BRIP1: variants seen among roughly 807,000 people sequenced by gnomAD.
BRIP1 encodes the protein BRCA1 interacting DNA helicase 1.
Under a neutral mutation model 119.7 loss-of-function variants are expected in BRIP1, and 88 were observed. That is an observed-to-expected ratio of 0.74 (90% CI 0.62 to 0.88). The LOEUF (loss-of-function observed/expected upper bound fraction) is 0.88, where lower values mean the gene tolerates loss of function less well. BRIP1 is among the 40% of genes least tolerant of loss of function. The probability of loss-of-function intolerance (pLI) is 0.00; values close to 1 mark genes in which losing one functional copy is unlikely to be tolerated. For synonymous variants in BRIP1, 443 were observed against 496.5 expected, an observed-to-expected ratio of 0.89 and a Z score of 1.43; for missense variants, 1,259 against 1,455.4, an observed-to-expected ratio of 0.87 and a Z score of 2.20.
Position 61,803,309 on chromosome 17 carries a change from C to G in BRIP1, c.919-1835G>C, listed in dbSNP as rs2078023717. On this transcript the variant is annotated intron_variant, in intron 7 of 19. Coordinates refer to ENST00000259008, the MANE Select transcript of BRIP1 (RefSeq NM_032043.3). This position sits in a 1 kb window ranked among gnomAD's most constrained non-coding sequence, Gnocchi z 4.3. The stretch of plus-strand genomic sequence containing the variant: ...ATGTTGCTCAGGCTGGTCTTGAACT[C>G]CTGAACTCAAGCGATCCGCCTGCCT... Among the ~76,000 whole-genome samples the G allele has an allele frequency of 6.6e-6, 1 of 152,110 alleles. No homozygotes were observed. The highest frequency in any genetic ancestry group is 1.5e-5 in the Non-Finnish European group (1 of 68,014).
chr17:61,793,751 G>T lies in BRIP1; in HGVS notation c.1341-22C>A. The T allele has an allele frequency of 6.2e-7, 1 of 1,602,874 alleles. No individual in the cohort carries two copies. Among genetic ancestry groups the T allele is most frequent in the Non-Finnish European group, 8.5e-7 (1 of 1,176,474 alleles). On this transcript the variant is annotated intron_variant, in intron 9 of 19. Transcript: ENST00000259008. This position sits in a 1 kb window ranked among gnomAD's most constrained non-coding sequence, Gnocchi z 5.2. ...CCAACTGAAATAAAATAAAACAATT[G>T]TGTCAACCAGTATCATCCTTACACA...
chr17:61,714,948 C>A (rs1300936134), intron 17 of BRIP1, among the ~76,000 whole-genome samples: 2 of 151,660 alleles, frequency 1.3e-5, no homozygotes, highest in African/African-American at 2.4e-5. Context: ...ATCTGTAATC[C>A]CAGCACTTTG....
Position 61,857,851 on chromosome 17 carries a change from T to C in BRIP1, c.206-620A>G, listed in dbSNP as rs1374089268. ...TCAAGTATTCATTTATATTAAGATT[T>C]ATCTAAAATTCAAGAATGGATTGAA... On this transcript the variant is annotated intron_variant, in intron 3 of 19. Coordinates refer to ENST00000259008, the MANE Select transcript of BRIP1 (RefSeq NM_032043.3). The surrounding 1 kb of genome is among the most constrained non-coding windows in gnomAD (Gnocchi z 5.1). Among the ~76,000 whole-genome samples, 2 of 152,230 alleles carry C rather than the reference T, an allele frequency of 1.3e-5. No homozygotes were observed. Among genetic ancestry groups the C allele is most frequent in the Non-Finnish European group, 2.9e-5 (2 of 68,052 alleles).
Position 61,706,378 on chromosome 17 carries a change from A to C in BRIP1, c.2492+9573T>G, listed in dbSNP as rs1413734594. Among the ~76,000 whole-genome samples, 2 of 152,146 alleles carry C rather than the reference A, an allele frequency of 1.3e-5. No individual in the cohort carries two copies. The highest frequency in any genetic ancestry group is 2.9e-5 in the Non-Finnish European group (2 of 68,004). On this transcript the variant is annotated intron_variant, in intron 17 of 19. Transcript: ENST00000259008. This position sits in a 1 kb window ranked among gnomAD's most constrained non-coding sequence, Gnocchi z 5.7. Reference sequence around the variant, plus strand: ...TTACTTCATCTTTTCTAGGACTGAAACGCCCAAACTATTTTTTAAAGTTAA... The same window carrying C: ...TTACTTCATCTTTTCTAGGACTGAACCGCCCAAACTATTTTTTAAAGTTAA...
rs1030920427 is a variant in BRIP1 at position 61,744,824 on chromosome 17, C to T, written c.2098-233G>A. Among the ~76,000 whole-genome samples, 6 of 150,952 alleles carry T rather than the reference C, an allele frequency of 4.0e-5. No homozygotes were observed. The highest frequency in any genetic ancestry group is 1.2e-4 in the African/African-American group (5 of 41,288). ...CAGTTAGCTGCTGCTGCTGCTACTA[C>T]TACTATTATCTTGGCAATTTCTACC... On this transcript the variant is annotated intron_variant, in intron 14 of 19. Transcript: ENST00000259008. The surrounding 1 kb of genome is among the most constrained non-coding windows in gnomAD (Gnocchi z 5.0).
At chr17:61,811,884 G>A (rs1200201184) in intron 6 of BRIP1, among the ~76,000 whole-genome samples, 4 of 152,056 alleles carry the variant, frequency 2.6e-5, no homozygotes, top group African/African-American at 2.4e-5. Context: ...CCAGGGAGAC[G>A]GAGGTTACAG....
chr17:61,740,266 C>G lies in BRIP1; in HGVS notation c.2379+2747G>C, dbSNP rs1418803754. On this transcript the variant is annotated intron_variant, in intron 16 of 19. Coordinates refer to ENST00000259008, the MANE Select transcript of BRIP1 (RefSeq NM_032043.3). The surrounding 1 kb of genome is among the most constrained non-coding windows in gnomAD (Gnocchi z 5.4). ...GAAGCGAGCCAGATGGACAAAAGAC[C>G]CCAGGATTCCCCGGAGGAACCCATG... 1.3e-5 allele frequency among the ~76,000 whole-genome samples: 2 copies of G among 152,134 alleles called. No homozygotes were observed. The highest frequency in any genetic ancestry group is 2.1e-4 in the South Asian group (1 of 4,812).
At position 61,798,150 on chromosome 17, in the gene BRIP1, C is replaced by A. The variant is rs2145288596; in HGVS notation, c.1340+950G>T. Among the ~76,000 whole-genome samples, 1 of 152,020 alleles carries A rather than the reference C, an allele frequency of 6.6e-6. No homozygotes were observed. Among genetic ancestry groups the A allele is most frequent in the Non-Finnish European group, 1.5e-5 (1 of 67,882 alleles). ...ACTAGAAACAACCTCCTCTATTAATCAGAGGCTGGTTAAATAAACTATTGC... is the reference window on the plus strand; with the variant it reads ...ACTAGAAACAACCTCCTCTATTAATAAGAGGCTGGTTAAATAAACTATTGC... On this transcript the variant is annotated intron_variant, in intron 9 of 19. Transcript: ENST00000259008. This position sits in a 1 kb window ranked among gnomAD's most constrained non-coding sequence, Gnocchi z 5.5.
rs995133368 is a variant in BRIP1, at chr17:61,708,414, G to GA, written c.2492+7536dup. The stretch of plus-strand genomic sequence containing the variant: ...TAGTAGCCATCTTGGTTATCAGATA[G>GA]AAAAAACATAGTATACGTAGAGTTT... On this transcript the variant is annotated intron_variant, in intron 17 of 19. Coordinates refer to ENST00000259008, the MANE Select transcript of BRIP1 (RefSeq NM_032043.3). This position sits in a 1 kb window ranked among gnomAD's most constrained non-coding sequence, Gnocchi z 4.4. Among the ~76,000 whole-genome samples the GA allele has an allele frequency of 2.7e-4, 41 of 152,124 alleles. No homozygotes were observed. Among genetic ancestry groups the GA allele is most frequent in the African/African-American group, 9.7e-4 (40 of 41,432 alleles).
chr17:61,683,928 T>G lies in BRIP1; in HGVS notation c.3118A>C (p.Lys1040Gln), dbSNP rs876659428. 1 of 1,614,220 alleles carries G rather than the reference T, an allele frequency of 6.2e-7. No individual in the cohort carries two copies. The highest frequency in any genetic ancestry group is 1.3e-5 in the African/African-American group (1 of 75,062). The change falls in exon 20 of 20, where the codon AAG (lysine) becomes CAG (glutamine). Residue 1040 changes from lysine (K) to glutamine (Q), a missense_variant. This residue lies in a region of BRIP1 where 753 missense variants were observed against 891.8 expected (regional missense o/e 0.84). Transcript: ENST00000259008. The surrounding 1 kb of genome is among the most constrained non-coding windows in gnomAD (Gnocchi z 4.7). The stretch of plus-strand genomic sequence containing the variant: ...GGCAAAACAGTTTTACTTTCCATCT[T>G]CTCTGTTTTGAAACGGGGAGGACTA... ...ASSPPRFKTE[K>Q]MESKTVLPFT...
At position 61,709,396 on chromosome 17, in the gene BRIP1, CA is replaced by C. The variant is rs1233309407; in HGVS notation, c.2492+6554del. ...GTAACATAAATGTTCAATTTTTCTA[CA>C]AAGACAAAAAAAATCTAAATTTTAT... On this transcript the variant is annotated intron_variant, in intron 17 of 19. Coordinates refer to ENST00000259008, the MANE Select transcript of BRIP1 (RefSeq NM_032043.3). The surrounding 1 kb of genome is among the most constrained non-coding windows in gnomAD (Gnocchi z 5.0). 6.6e-6 allele frequency among the ~76,000 whole-genome samples: 1 copy of C among 151,762 alleles called. No homozygotes were observed. The highest frequency in any genetic ancestry group is 1.5e-5 in the Non-Finnish European group (1 of 67,952).
rs2061502928 is a variant in BRIP1 at position 61,695,150 on chromosome 17, C to A, written c.2493-1638G>T. Among the ~76,000 whole-genome samples the A allele has an allele frequency of 6.6e-6, 1 of 151,916 alleles. No homozygotes were observed. Among genetic ancestry groups the A allele is most frequent in the Non-Finnish European group, 1.5e-5 (1 of 67,938 alleles). On this transcript the variant is annotated intron_variant, in intron 17 of 19. Transcript: ENST00000259008. The surrounding 1 kb of genome is among the most constrained non-coding windows in gnomAD (Gnocchi z 4.3). ...TTTTTGCCTTTTTCTGTCTTTGATC[C>A]ACTTTGAGTTAACTTTTGTATATGG...
At chr17:61,847,712 A>G (rs920425358) in intron 5 of BRIP1, among the ~76,000 whole-genome samples, 2 of 152,228 alleles carry the variant, frequency 1.3e-5, no homozygotes, top group African/African-American at 4.8e-5. Context: ...TATTTGATAA[A>G]CCAAGTTGCC....
Position 61,808,732 on chromosome 17 carries a change from C to A in BRIP1, c.653G>T (p.Cys218Phe). 10 of 1,613,480 alleles carry A rather than the reference C, an allele frequency of 6.2e-6. No homozygotes were observed. Among genetic ancestry groups the A allele is most frequent in the Non-Finnish European group, 8.5e-6 (10 of 1,179,948 alleles). Residue 218 changes from cysteine to phenylalanine, a missense_variant, in exon 7 of 20, where the codon TGT (cysteine) becomes TTT (phenylalanine). By Grantham distance (205) the Cys-to-Phe change is radical. Coordinates refer to ENST00000259008, the MANE Select transcript of BRIP1 (RefSeq NM_032043.3). This position sits in a 1 kb window ranked among gnomAD's most constrained non-coding sequence, Gnocchi z 4.1. Reference sequence around the variant, plus strand: ...ACTGTTTCCTTGTTTAGTAGAACAACAGCACCTAGAACAGTGGCCAGGGGG... The same window carrying A: ...ACTGTTTCCTTGTTTAGTAGAACAAAAGCACCTAGAACAGTGGCCAGGGGG... ...QKPPGHCSRC[C>F]CSTKQGNSQE...
In BRIP1 at chr17:61,847,501, T is replaced by C. The variant is rs9908659; in HGVS notation, c.508-281A>G. 0.39 allele frequency among the ~76,000 whole-genome samples: 60,015 copies of C among 151,992 alleles called. 12,426 individuals are homozygous for C. The highest frequency in any genetic ancestry group is 0.49 in the African/African-American group (20,419 of 41,444). On this transcript the variant is annotated intron_variant, in intron 5 of 19. Transcript: ENST00000259008. The stretch of plus-strand genomic sequence containing the variant: ...ATTGTAAAATGAACTTCTCATAAAA[T>C]AGTCCCATCATATGGACATCAAATA...
intron 16 of BRIP1, among the ~76,000 whole-genome samples, chr17:61,731,644 T>A (rs181197069): frequency 1.4e-4 from 21 of 152,350 alleles, no homozygotes; most frequent in African/African-American, 4.6e-4. Flanking sequence ...CTGTACACAT[T>A]CATAACTCCT....
In BRIP1 at chr17:61,808,635, T is replaced by C. The variant is rs1057522393; in HGVS notation, c.750A>G (p.Thr250=). ...TCTGAGCAATCTGCTTGTGTGTGCG[T>C]GTCCCAAAATATATTTTGGGTATCT... ...KSKIPKIYFG[T]RTHKQIAQIT... Residue 250 remains threonine, a synonymous_variant, in exon 7 of 20, where the codon ACA becomes ACG. Transcript: ENST00000259008. The surrounding 1 kb of genome is among the most constrained non-coding windows in gnomAD (Gnocchi z 4.1). The C allele has an allele frequency of 4.3e-6, 7 of 1,613,920 alleles. No homozygotes were observed. Among genetic ancestry groups the C allele is most frequent in the Non-Finnish European group, 5.9e-6 (7 of 1,179,934 alleles).
rs140097800 is a variant in BRIP1, at chr17:61,808,756, G to T, written c.629C>A (p.Pro210His). ...ACAGCACCTAGAACAGTGGCCAGGGGGCTGTAAGAAAGGAAAGAAACGATA... is the reference window on the plus strand; with the variant it reads ...ACAGCACCTAGAACAGTGGCCAGGGTGCTGTAAGAAAGGAAAGAAACGATA... ...EKINSFSPQKPPGHCSRCCCS... is the reference protein window; with the variant it reads ...EKINSFSPQKHPGHCSRCCCS... The change falls in exon 7 of 20, where the codon CCC becomes CAC. Residue 210 changes from proline to histidine, a missense_variant and splice_region_variant. By Grantham distance (77) the Pro-to-His change is moderately conservative (BLOSUM62 -2). Transcript: ENST00000259008. This position sits in a 1 kb window ranked among gnomAD's most constrained non-coding sequence, Gnocchi z 4.1. 18 of 1,611,956 alleles carry T rather than the reference G, an allele frequency of 1.1e-5. No homozygotes were observed. Among genetic ancestry groups the T allele is most frequent in the Non-Finnish European group, 1.2e-5 (14 of 1,179,780 alleles).
At position 61,703,168 on chromosome 17, in the gene BRIP1, G is replaced by A. The variant is rs771366004; in HGVS notation, c.2493-9656C>T. Among the ~76,000 whole-genome samples, 4 of 152,014 alleles carry A rather than the reference G, an allele frequency of 2.6e-5. No individual in the cohort carries two copies. Among genetic ancestry groups the A allele is most frequent in the South Asian group, 2.1e-4 (1 of 4,826 alleles). ...CAAACTCCACCTCCCGGGTTCAAAC[G>A]ATTCTCCTGCTTAGCCTCCCAAGTA... On this transcript the variant is annotated intron_variant, in intron 17 of 19. Transcript: ENST00000259008. The surrounding 1 kb of genome is among the most constrained non-coding windows in gnomAD (Gnocchi z 5.0).
Sources: allele counts gnomAD v4.1 joint callset (sites outside exome capture counted in the v4.1 genomes callset), GRCh38; gene constraint gnomAD v4.1.1; regional missense constraint gnomAD v4.1.1; non-coding constraint Gnocchi (gnomAD v3.1); transcripts MANE v1.5; gene names NCBI Gene and HGNC (gene_info 2026-07-23, HGNC 2026-07-21).